HNRNPC: variants seen among roughly 807,000 people sequenced by gnomAD.
The protein encoded by HNRNPC is heterogeneous nuclear ribonucleoprotein C, also known as heterogeneous nuclear ribonucleoproteins C1/C2.
A neutral mutation model predicts 33.2 loss-of-function variants in HNRNPC; 3 were observed. The observed-to-expected ratio is 0.09, with a 90% confidence interval of 0.04 to 0.23. HNRNPC has a LOEUF of 0.23. Ranked by LOEUF, HNRNPC falls within the 10% of genes least tolerant of loss-of-function variation. The pLI is 1.00. For synonymous variants in HNRNPC, 121 were observed against 126.7 expected, an observed-to-expected ratio of 0.96 and a Z score of 0.30; for missense variants, 143 against 366.7, an observed-to-expected ratio of 0.39 and a Z score of 4.98.
In HNRNPC at chr14:21,230,416, T is replaced by C. The variant is rs1893981151; in HGVS notation, c.318-50A>G. ...TTAATTTGGAAATGTTTCTACTAAT[T>C]CACAATGTCAGGTGAGGGGAGAACC... On this transcript the variant is annotated intron_variant, in intron 4 of 8. Coordinates refer to ENST00000553300, the MANE Select transcript of HNRNPC (RefSeq NM_004500.4). 2.9e-6 allele frequency: 4 copies of C among 1,371,954 alleles called. No homozygotes were observed. In the South Asian group the frequency reaches 4.8e-5, roughly 16 times the overall value. The allele number at this position is 1,371,954 out of a possible 1,614,324, so 85.0% of individuals were successfully genotyped here.
intron 5 of HNRNPC, among the ~76,000 whole-genome samples, chr14:21,222,411 A>G (rs915755577): frequency 2.6e-5 from 4 of 151,666 alleles, no homozygotes; most frequent in Admixed American, 1.3e-4. Flanking sequence ...GGATTTGCCT[A>G]TTTTAGGCAT....
Position 21,213,121 on chromosome 14 carries a change from T to A in HNRNPC, c.366-4A>T. On this transcript the variant is annotated splice_region_variant and splice_polypyrimidine_tract_variant and intron_variant, in intron 5 of 8. Coordinates refer to ENST00000553300, the MANE Select transcript of HNRNPC (RefSeq NM_004500.4). ...ACGTGCTGGGTAACTGTACATCCTA[T>A]TGGATAAGAGGAAAATGGAATTCAT... The A allele has an allele frequency of 6.2e-7, 1 of 1,613,644 alleles. No individual in the cohort carries two copies. The highest frequency in any genetic ancestry group is 1.1e-5 in the South Asian group (1 of 91,026).
At position 21,211,612 on chromosome 14, in the gene HNRNPC, A is replaced by G. The variant is rs1891613031; in HGVS notation, c.638-46T>C. 1.9e-6 allele frequency: 3 copies of G among 1,570,274 alleles called. No individual in the cohort carries two copies. In the East Asian group the frequency reaches 7.0e-5, roughly 37 times the overall value. ...TCTGTCTAGGGGCAGTAATGTCCAC[A>G]GGACGTAGACAATCCCCACTAAGGA... On this transcript the variant is annotated intron_variant, in intron 7 of 8. Transcript: ENST00000553300.
At chr14:21,232,685 CTT>C (rs1894247230) in intron 3 of HNRNPC, among the ~76,000 whole-genome samples, 1 of 152,106 alleles carries the variant, frequency 6.6e-6, no homozygotes, top group South Asian at 2.1e-4. Context: ...ATATCTTAAA[CTT>C]AATCTTATTT....
chr14:21,215,637 A>C (rs1892072173), intron 5 of HNRNPC, among the ~76,000 whole-genome samples: 2 of 152,222 alleles, frequency 1.3e-5, no homozygotes, highest in African/African-American at 2.4e-5. Flanking sequence ...GTGGAGGCTC[A>C]TGCCTGTAAT....
At chr14:21,242,319 C>CA (rs1594275899) in intron 2 of HNRNPC, among the ~76,000 whole-genome samples, 1 of 152,098 alleles carries the variant, frequency 6.6e-6, no homozygotes, top group Non-Finnish European at 1.5e-5. Flanking sequence ...CCCATCTCTA[C>CA]AAAAAATACT....
In HNRNPC at chr14:21,254,831, G is replaced by C. The variant is rs572993925; in HGVS notation, c.-37+8480C>G. Reference sequence around the variant, plus strand: ...TGAGGCAGGAGAATCACTTGAATCCGGGAGGCGGAGGTTGCGGTAGGCGGA... The same window carrying C: ...TGAGGCAGGAGAATCACTTGAATCCCGGAGGCGGAGGTTGCGGTAGGCGGA... On this transcript the variant is annotated intron_variant, in intron 2 of 8. Coordinates refer to ENST00000553300, the MANE Select transcript of HNRNPC (RefSeq NM_004500.4). Among the ~76,000 whole-genome samples, 9 of 152,010 alleles carry C rather than the reference G, an allele frequency of 5.9e-5. No homozygotes were observed. In the East Asian group the frequency reaches 1.7e-3, roughly 29 times the overall value.
At chr14:21,215,151 A>G (rs1352047935) in intron 5 of HNRNPC, among the ~76,000 whole-genome samples, 1 of 152,354 alleles carries the variant, frequency 6.6e-6, no homozygotes, top group East Asian at 1.9e-4. Flanking sequence ...CTGAAGAAAA[A>G]TATTTCAAAA....
At chr14:21,219,095 CGA>C (rs973645642) in intron 5 of HNRNPC, among the ~76,000 whole-genome samples, 1 of 127,410 alleles carries the variant, frequency 7.8e-6, no homozygotes, top group African/African-American at 3.1e-5. Flanking sequence ...GGGAACAGAG[CGA>C]GACTCTTTCT....
In HNRNPC at chr14:21,267,095, C is replaced by CAAAAA. The variant is rs56203257; in HGVS notation, c.-63+2198_-63+2202dup. On this transcript the variant is annotated intron_variant, in intron 1 of 8. Coordinates refer to ENST00000553300, the MANE Select transcript of HNRNPC (RefSeq NM_004500.4). ...AGGGCGACAGAGCGAGACTCCGTCT[C>CAAAAA]AAAAAAAAAAAAAAAAAAAAAAAAA... Among the ~76,000 whole-genome samples, 250 of 104,038 alleles carry CAAAAA rather than the reference C, an allele frequency of 2.4e-3. 1 individual carries two copies. Among genetic ancestry groups the CAAAAA allele is most frequent in the Non-Finnish European group, 3.6e-3 (178 of 49,578 alleles). 68.3% of individuals were successfully genotyped at this position (104,038 alleles called of 152,430 possible). A position where few individuals can be genotyped will look rare whatever the true frequency, so the allele number is the denominator to read the frequency against.
At chr14:21,222,712 G>A (rs1892971245) in intron 5 of HNRNPC, among the ~76,000 whole-genome samples, 1 of 152,006 alleles carries the variant, frequency 6.6e-6, no homozygotes, top group Non-Finnish European at 1.5e-5. Flanking sequence ...CAAATACGGT[G>A]AAACTGCGTC....
intron 5 of HNRNPC, among the ~76,000 whole-genome samples, chr14:21,228,699 ATTTT>A (rs1008202718): frequency 3.2e-4 from 49 of 151,864 alleles, no homozygotes; most frequent in African/African-American, 1.1e-3. Context: ...GCTGATTTTT[ATTTT>A]TTAAGAATTT....
chr14:21,253,010 C>T (rs1038758904), intron 2 of HNRNPC, among the ~76,000 whole-genome samples: 1 of 151,430 alleles, frequency 6.6e-6, no homozygotes, highest in Non-Finnish European at 1.5e-5. Flanking sequence ...CCCATCTCTA[C>T]TAAAAATACA....
intron 2 of HNRNPC, among the ~76,000 whole-genome samples, chr14:21,256,265 G>A (rs981074294): frequency 6.6e-6 from 1 of 152,054 alleles, no homozygotes; most frequent in Non-Finnish European, 1.5e-5. Context: ...GGCCAACATG[G>A]TGCAACCCTG....
At chr14:21,245,020 C>A (rs1265189188) in intron 2 of HNRNPC, among the ~76,000 whole-genome samples, 1 of 140,462 alleles carries the variant, frequency 7.1e-6, no homozygotes, top group East Asian at 2.1e-4. Flanking sequence ...CGGAGGCAGA[C>A]GTAGCACTGA....
At chr14:21,245,652 A>C (rs1049128649) in intron 2 of HNRNPC, among the ~76,000 whole-genome samples, 2 of 152,156 alleles carry the variant, frequency 1.3e-5, no homozygotes, top group African/African-American at 4.8e-5. Flanking sequence ...GGACTTTATA[A>C]ACATGGTACA....
At chr14:21,247,920 G>A (rs915371937) in intron 2 of HNRNPC, among the ~76,000 whole-genome samples, 5 of 151,896 alleles carry the variant, frequency 3.3e-5, no homozygotes, top group Non-Finnish European at 7.4e-5. Flanking sequence ...GAACATGGGA[G>A]GCGGAGGTTG....
At chr14:21,230,601 G>A (rs926311070) in intron 4 of HNRNPC, 20 of 535,388 alleles carry the variant, frequency 3.7e-5, no homozygotes, top group Middle Eastern at 4.3e-4. Flanking sequence ...TTCCACATAC[G>A]ACATAGCTAA....
At chr14:21,225,288 G>A (rs565124901) in intron 5 of HNRNPC, among the ~76,000 whole-genome samples, 45 of 151,930 alleles carry the variant, frequency 3.0e-4, no homozygotes, top group African/African-American at 9.9e-4. Flanking sequence ...AATTAGCCAC[G>A]CATGGTGGCA....
Sources: gnomAD v4.1 joint callset for allele counts (sites outside exome capture counted in the v4.1 genomes callset) on GRCh38, gnomAD v4.1.1 for gene constraint, MANE v1.5 for transcripts, NCBI Gene and HGNC (gene_info 2026-07-23, HGNC 2026-07-21) for gene names.